The following CCSER1 variants were observed in gnomAD, a reference collection of about 807,000 sequenced individuals.
CCSER1 encodes the protein serine-rich coiled-coil domain-containing protein 1.
A neutral mutation model predicts 82.0 loss-of-function variants in CCSER1; 41 were observed. That is an observed-to-expected ratio of 0.50 (90% CI 0.39 to 0.65). The LOEUF (loss-of-function observed/expected upper bound fraction) is 0.65, where lower values mean the gene tolerates loss of function less well. Ranked by LOEUF, CCSER1 falls within the 30% of genes least tolerant of loss-of-function variation. The pLI is 0.00. For missense variants in CCSER1, 1,119 were observed against 1,064.2 expected (o/e 1.05, Z -0.72); for synonymous variants, 414 against 383.9 (o/e 1.08, Z -0.92).
intron 10 of CCSER1, among the ~76,000 whole-genome samples, chr4:91,296,478 T>TAAAATAA (rs1283680335): frequency 7.2e-6 from 1 of 139,722 alleles, no homozygotes; most frequent in East Asian, 2.0e-4. Flanking sequence ...TATATATATA[T>TAAAATAA]ATATATATTT....
At chr4:90,657,620 T>C (rs1418479426) in intron 6 of CCSER1, among the ~76,000 whole-genome samples, 1 of 152,180 alleles carries the variant, frequency 6.6e-6, no homozygotes. Flanking sequence ...TCATTATGCT[T>C]CACTAATTTT....
At chr4:91,283,551 T>C (rs1743070177) in intron 10 of CCSER1, among the ~76,000 whole-genome samples, 1 of 152,132 alleles carries the variant, frequency 6.6e-6, no homozygotes, top group Admixed American at 6.6e-5. Flanking sequence ...CTGTCAAATT[T>C]AAATGTTCCC....
At chr4:91,386,468 G>A (rs1296635998) in intron 10 of CCSER1, among the ~76,000 whole-genome samples, 1 of 151,988 alleles carries the variant, frequency 6.6e-6, no homozygotes, top group Non-Finnish European at 1.5e-5. Context: ...CCTTATAGTA[G>A]AATATCAATT....
At chr4:91,287,033 T>C (rs1366665254) in intron 10 of CCSER1, among the ~76,000 whole-genome samples, 5 of 151,872 alleles carry the variant, frequency 3.3e-5, no homozygotes, top group Non-Finnish European at 4.4e-5. Context: ...TAATACTGCC[T>C]TGCTATTCAG....
chr4:91,231,329 G>A (rs939946292), intron 10 of CCSER1, among the ~76,000 whole-genome samples: 8 of 151,806 alleles, frequency 5.3e-5, no homozygotes, highest in Admixed American at 5.3e-4. Context: ...GAGATATTTT[G>A]TGGGAAAATT....
In CCSER1 at chr4:91,032,834, G is replaced by T. The variant is rs566466623; in HGVS notation, c.2173-53116G>T. ...TTCTGATTCAGTAAGTCTTGAATGG[G>T]GCCTGAGAATTTGCTTTTCTAACTG... is the stretch of plus-strand genomic sequence containing the variant. On this transcript the variant is annotated intron_variant, in intron 9 of 10. Coordinates refer to ENST00000509176, the MANE Select transcript of CCSER1 (RefSeq NM_001145065.2). Among the ~76,000 whole-genome samples the T allele has an allele frequency of 1.1e-4, 16 of 152,262 alleles. 1 individual carries two copies. The South Asian group carries it at 3.3e-3, about 32-fold the overall frequency.
At chr4:91,092,012 A>T (rs1724010302) in intron 10 of CCSER1, among the ~76,000 whole-genome samples, 2 of 152,116 alleles carry the variant, frequency 1.3e-5, no homozygotes, top group South Asian at 4.1e-4. Flanking sequence ...GAGGCCTATG[A>T]TATAATGTTT....
At chr4:90,293,624 A>G (rs1437543087) in intron 1 of CCSER1, among the ~76,000 whole-genome samples, 1 of 150,890 alleles carries the variant, frequency 6.6e-6, no homozygotes, top group East Asian at 1.9e-4. Context: ...AAATTTAAGA[A>G]GATTTTTTAA....
chr4:91,465,951 T>C (rs2149437728), intron 10 of CCSER1, among the ~76,000 whole-genome samples: 1 of 152,332 alleles, frequency 6.6e-6, no homozygotes, highest in East Asian at 1.9e-4. Flanking sequence ...CCATTCTTTC[T>C]GAAACTATTC....
In CCSER1 at chr4:91,164,761, G is replaced by A. The variant is rs116706747; in HGVS notation, c.2217+78767G>A. Among the ~76,000 whole-genome samples the A allele has an allele frequency of 3.2e-3, 487 of 152,024 alleles. 4 individuals carry two copies. The highest frequency in any genetic ancestry group is 0.011 in the African/African-American group (463 of 41,450). ...TGTGCATGCATCATGTATTTCTTGC[G>A]CCATGATTTTCAGCTCCATCAGGTC... On this transcript the variant is annotated intron_variant, in intron 10 of 10. Coordinates refer to ENST00000509176, the MANE Select transcript of CCSER1 (RefSeq NM_001145065.2).
intron 6 of CCSER1, among the ~76,000 whole-genome samples, chr4:90,643,397 A>G (rs965746957): frequency 3.3e-5 from 5 of 152,200 alleles, no homozygotes; most frequent in Admixed American, 1.3e-4. Flanking sequence ...TTAAACTGTC[A>G]TGGGAGGCAT....
intron 10 of CCSER1, among the ~76,000 whole-genome samples, chr4:91,113,208 G>A (rs769741327): frequency 5.9e-5 from 9 of 152,136 alleles, no homozygotes; most frequent in Non-Finnish European, 1.3e-4. Context: ...TTAAGTACAG[G>A]AAGTGTTTAT....
chr4:90,804,181 T>C (rs1757204394), intron 7 of CCSER1, among the ~76,000 whole-genome samples: 2 of 152,308 alleles, frequency 1.3e-5, no homozygotes, highest in Non-Finnish European at 2.9e-5. Context: ...ACTCTGATGA[T>C]AGCTTCTTTT....
At chr4:91,248,348 T>A (rs1328435637) in intron 10 of CCSER1, among the ~76,000 whole-genome samples, 1 of 152,004 alleles carries the variant, frequency 6.6e-6, no homozygotes, top group East Asian at 1.9e-4. Context: ...TCTCCTAGAG[T>A]GTGGCAAGAG....
intron 4 of CCSER1, among the ~76,000 whole-genome samples, chr4:90,439,906 A>T (rs1024257811): frequency 1.3e-5 from 2 of 152,160 alleles, no homozygotes; most frequent in Admixed American, 1.3e-4. Flanking sequence ...TTTATTTGTT[A>T]AAACAATTAT....
chr4:90,152,324 T>G (rs1727017931), intron 1 of CCSER1, among the ~76,000 whole-genome samples: 2 of 152,106 alleles, frequency 1.3e-5, no homozygotes, highest in African/African-American at 4.8e-5. Context: ...CTACCTTGAT[T>G]GGTGTGTGTA....
intron 1 of CCSER1, among the ~76,000 whole-genome samples, chr4:90,162,117 C>G (rs1236108037): frequency 6.6e-6 from 1 of 152,018 alleles, no homozygotes; most frequent in Admixed American, 6.6e-5. Flanking sequence ...TTTAGGTGTA[C>G]AAAGTATGAA....
At chr4:90,940,762 CTT>C (rs763052353) in intron 9 of CCSER1, among the ~76,000 whole-genome samples, 18 of 152,090 alleles carry the variant, frequency 1.2e-4, no homozygotes, top group Non-Finnish European at 1.0e-4. Flanking sequence ...ATTGAGCAAA[CTT>C]GTCGTCATCT....
chr4:91,120,393 G>T (rs1726984513), intron 10 of CCSER1, among the ~76,000 whole-genome samples: 1 of 151,800 alleles, frequency 6.6e-6, no homozygotes, highest in Non-Finnish European at 1.5e-5. Context: ...AAGACAATGA[G>T]GTCAGAGTTA....
Sources: allele counts gnomAD v4.1 joint callset (sites outside exome capture counted in the v4.1 genomes callset), GRCh38; gene constraint gnomAD v4.1.1; transcripts MANE v1.5; gene names NCBI Gene and HGNC (gene_info 2026-07-23, HGNC 2026-07-21).